Variants in TPRG1 observed in about 807,000 individuals in gnomAD.
TPRG1 encodes tumor protein p63 regulated 1.
Under a neutral mutation model 29.3 loss-of-function variants are expected in TPRG1, and 29 were observed. The observed-to-expected ratio is 0.99, with a 90% CI of 0.74 to 1.35. The LOEUF (loss-of-function observed/expected upper bound fraction) is 1.35. Among genes scored for constraint, TPRG1 ranks in the 40% most tolerant of loss-of-function variants. The pLI, the probability that TPRG1 is intolerant of heterozygous loss-of-function variation, is 0.00. For missense variants in TPRG1, 327 were observed against 335.0 expected, an observed-to-expected ratio of 0.98 and a Z score of 0.19; for synonymous variants, 130 against 116.8, an observed-to-expected ratio of 1.11 and a Z score of -0.73.
chr3:189,100,342 A>G (rs1325422317), intron 1 of TPRG1: 1 of 152,238 alleles, frequency 6.6e-6, no homozygotes, highest in African/African-American at 2.4e-5. Context: ...TATATCTGAG[A>G]TGTAGAGGGA....
chr3:189,147,692 G>A (rs1725438509), intron 4 of TPRG1: 2 of 152,432 alleles, frequency 1.3e-5, no homozygotes, highest in South Asian at 4.1e-4. Context: ...CTGGAAGAGA[G>A]GGAAAAGTGA....
rs111576869 is a variant in TPRG1 at position 189,284,285 on chromosome 3, C to T, written c.480-26101C>T. Among the ~76,000 whole-genome samples the T allele has an allele frequency of 1.0e-3, 153 of 151,468 alleles. 1 individual carries two copies. The highest frequency in any genetic ancestry group is 3.4e-3 in the Middle Eastern group (1 of 294). On this transcript the variant is annotated intron_variant, in intron 4 of 5. Transcript: ENST00000345063. ...TTACCTATGTATACATGTGCCATGT[C>T]GGTGTCCTGCACCCATTAACCTGTC...
chr3:189,033,487 G>C (rs1714059954), intron 4 of TPRG1, among the ~76,000 whole-genome samples: 1 of 151,806 alleles, frequency 6.6e-6, no homozygotes, highest in Non-Finnish European at 1.5e-5. Flanking sequence ...TTGTCATGTT[G>C]CCTGGGTAGG....
chr3:189,229,722 C>T (rs1057233321), intron 3 of TPRG1, among the ~76,000 whole-genome samples: 5 of 152,158 alleles, frequency 3.3e-5, no homozygotes, highest in Admixed American at 2.6e-4. Context: ...AGCTTTTGCT[C>T]CTTGTGTCTT....
chr3:189,044,965 T>C (rs764416854), intron 4 of TPRG1, among the ~76,000 whole-genome samples: 4 of 152,314 alleles, frequency 2.6e-5, no homozygotes, highest in Non-Finnish European at 4.4e-5. Context: ...TTATCCTGGG[T>C]GAAGAAAATG....
chr3:189,272,695 C>CTCTT (rs1553935860), intron 4 of TPRG1, among the ~76,000 whole-genome samples: 163 of 137,920 alleles, frequency 1.2e-3, no homozygotes, highest in Non-Finnish European at 2.1e-3. Context: ...TTCTTTCTTT[C>CTCTT]TCTTTCTTTC....
At chr3:189,125,167 A>G (rs1054431225) in intron 1 of TPRG1, among the ~76,000 whole-genome samples, 1 of 152,216 alleles carries the variant, frequency 6.6e-6, no homozygotes, top group Non-Finnish European at 1.5e-5. Context: ...TTTAATGTTT[A>G]CTTTAAGATA....
chr3:189,166,260 G>A (rs898244947), intron 5 of TPRG1, among the ~76,000 whole-genome samples: 1 of 152,174 alleles, frequency 6.6e-6, no homozygotes, highest in South Asian at 2.1e-4. Flanking sequence ...AACTCCTATG[G>A]TCCAAACTCA....
intron 4 of TPRG1, among the ~76,000 whole-genome samples, chr3:189,250,437 T>C (rs1422837992): frequency 6.9e-6 from 1 of 145,758 alleles, no homozygotes; most frequent in Non-Finnish European, 1.5e-5. Context: ...TAGGTTCTAA[T>C]GACATAACTT....
intron 1 of TPRG1, chr3:189,127,017 C>G (rs189947642): frequency 3.9e-5 from 6 of 152,274 alleles, no homozygotes; most frequent in Non-Finnish European, 8.8e-5. Flanking sequence ...GACCTCTAAG[C>G]TGTCAGTAAT....
chr3:189,122,600 A>G (rs1721958620), intron 1 of TPRG1, among the ~76,000 whole-genome samples: 1 of 152,238 alleles, frequency 6.6e-6, no homozygotes, highest in South Asian at 2.1e-4. Flanking sequence ...GCTAGAAGAA[A>G]ACTTACAGAT....
intron 1 of TPRG1, among the ~76,000 whole-genome samples, chr3:189,204,605 C>T (rs185838704): frequency 6.6e-6 from 1 of 152,246 alleles, no homozygotes; most frequent in African/African-American, 2.4e-5. Flanking sequence ...CGCAGAGCTT[C>T]CCCAAGTGTT....
At chr3:189,258,113 C>A (rs1206138900) in intron 4 of TPRG1, among the ~76,000 whole-genome samples, 1 of 152,006 alleles carries the variant, frequency 6.6e-6, no homozygotes, top group African/African-American at 2.4e-5. Flanking sequence ...CCTTTTTGTG[C>A]TGGTTTTTCC....
intron 3 of TPRG1, among the ~76,000 whole-genome samples, chr3:189,146,373 T>C (rs1398283454): frequency 6.6e-6 from 1 of 152,072 alleles, no homozygotes; most frequent in Non-Finnish European, 1.5e-5. Context: ...CTTAGACAAT[T>C]ACTAGGAATT....
chr3:189,174,853 A>T (rs978910692), intron 1 of TPRG1, among the ~76,000 whole-genome samples: 2 of 152,208 alleles, frequency 1.3e-5, no homozygotes, highest in Non-Finnish European at 2.9e-5. Context: ...CTCTTTACTC[A>T]ATCGATCAAT....
At chr3:189,144,068 T>C (rs1421275402) in intron 3 of TPRG1, among the ~76,000 whole-genome samples, 1 of 152,246 alleles carries the variant, frequency 6.6e-6, no homozygotes, top group African/African-American at 2.4e-5. Flanking sequence ...CAGTCATACA[T>C]GTTTTACTAC....
chr3:189,310,644 TAAAA>T, intron 5 of TPRG1, 105 bp downstream of exon 5: 1 of 462,356 alleles, frequency 2.2e-6, no homozygotes, highest in South Asian at 9.3e-5. Flanking sequence ...TAAAATAAAA[TAAAA>T]TAAAATAAAA....
chr3:189,319,179 GA>G (rs1348092515), intron 5 of TPRG1, among the ~76,000 whole-genome samples: 1 of 152,054 alleles, frequency 6.6e-6, no homozygotes, highest in East Asian at 1.9e-4. Flanking sequence ...TTCACTTTAT[GA>G]ATATCATTCT....
chr3:189,062,360 A>C (rs2152145188), intron 4 of TPRG1, among the ~76,000 whole-genome samples: 1 of 152,308 alleles, frequency 6.6e-6, no homozygotes, highest in East Asian at 1.9e-4. Flanking sequence ...CTGGGTGATG[A>C]AATAATCTGT....
Sources: gnomAD v4.1 joint callset for allele counts (sites outside exome capture counted in the v4.1 genomes callset) on GRCh38, gnomAD v4.1.1 for gene constraint, MANE v1.5 for transcripts, NCBI Gene and HGNC (gene_info 2026-07-23, HGNC 2026-07-21) for gene names.